KIF1A: variants seen among roughly 807,000 people sequenced by gnomAD.
KIF1A encodes kinesin-like protein KIF1A.
Under a neutral mutation model 227.3 loss-of-function variants are expected in KIF1A, and 46 were observed. The observed-to-expected ratio is 0.20, with a 90% CI of 0.16 to 0.26. KIF1A has a LOEUF of 0.26. Ranked by LOEUF, KIF1A falls within the 10% of genes least tolerant of loss-of-function variation. The probability of loss-of-function intolerance (pLI) is 1.00; values close to 1 mark genes in which losing one functional copy is unlikely to be tolerated. For missense variants in KIF1A, 1,683 were observed against 2,485.9 expected (o/e 0.68, Z 6.87); for synonymous variants, 1,022 against 1,012.8 (o/e 1.01, Z -0.17).
rs543574720 is a variant in KIF1A, at chr2:240,777,100, G to A, written c.883-1174C>T. 2.6e-4 allele frequency among the ~76,000 whole-genome samples: 40 copies of A among 152,312 alleles called. 1 individual carries two copies. In the East Asian group the frequency reaches 7.7e-3, roughly 29 times the overall value. On this transcript the variant is annotated intron_variant, in intron 10 of 48. Transcript: ENST00000498729. Reference sequence around the variant, plus strand: ...CCCTCTGTCACCAGGCTGGAGTGCAGTGGCACGATCGCGGCTCACTGCAAC... The same window carrying A: ...CCCTCTGTCACCAGGCTGGAGTGCAATGGCACGATCGCGGCTCACTGCAAC...
chr2:240,733,893 G>A (rs1187712150), intron 38 of KIF1A, among the ~76,000 whole-genome samples: 2 of 152,216 alleles, frequency 1.3e-5, no homozygotes, highest in Admixed American at 1.3e-4. Context: ...TTTTCCATTC[G>A]GAACGGACTC....
At chr2:240,755,304 A>G (rs11682746) in intron 27 of KIF1A, among the ~76,000 whole-genome samples, 90,460 of 152,172 alleles carry the variant, frequency 0.59, 27,453 homozygotes, top group African/African-American at 0.71. Context: ...AACCCAGCCC[A>G]AGAGAGGCAG....
intron 16 of KIF1A, 100 bp from the exon 17 acceptor site, chr2:240,769,308 T>A: frequency 9.6e-7 from 1 of 1,037,818 alleles, no homozygotes; most frequent in Non-Finnish European, 1.4e-6. Context: ...GTGGCCACCG[T>A]GGCCTGGGTG....
At chr2:240,717,445 G>A (rs1307755119) in intron 48 of KIF1A, 39 bp from the exon 49 acceptor site, 2 of 1,597,626 alleles carry the variant, frequency 1.3e-6, no homozygotes, top group Admixed American at 3.3e-5. Flanking sequence ...GTCAGGCCAG[G>A]AACACCTGCA....
At position 240,790,124 on chromosome 2, in the gene KIF1A, T is replaced by G. The variant is rs986978397; in HGVS notation, c.107-812A>C. 4.5e-4 allele frequency among the ~76,000 whole-genome samples: 69 copies of G among 152,242 alleles called. No homozygotes were observed. The highest frequency in any genetic ancestry group is 1.6e-3 in the African/African-American group (67 of 41,562). ...CTTGCCCCCAGCATTTCCCAGGCCCTGGACGGGCCTGGACCCTGCAGACTG... is the reference window on the plus strand; with the variant it reads ...CTTGCCCCCAGCATTTCCCAGGCCCGGGACGGGCCTGGACCCTGCAGACTG... On this transcript the variant is annotated intron_variant, in intron 2 of 48. Coordinates refer to ENST00000498729, the MANE Select transcript of KIF1A (RefSeq NM_001244008.2). The surrounding 1 kb of genome is among the most constrained non-coding windows in gnomAD (Gnocchi z 5.0).
At position 240,757,698 on chromosome 2, in the gene KIF1A, C is replaced by G. The variant is rs1394195171; in HGVS notation, c.2583-104G>C. On this transcript the variant is annotated intron_variant, in intron 26 of 48. Transcript: ENST00000498729. This position sits in a 1 kb window ranked among gnomAD's most constrained non-coding sequence, Gnocchi z 6.2. ...GGGGGCTTCTGTTTAAAACCAAAAC[C>G]AAACACACAGACCATCGAGAATGCT... 2 of 1,085,642 alleles carry G rather than the reference C, an allele frequency of 1.8e-6. No individual in the cohort carries two copies. Among genetic ancestry groups the G allele is most frequent in the Non-Finnish European group, 2.6e-6 (2 of 760,546 alleles). The allele number at this position is 1,085,642 out of a possible 1,614,324, so 67.3% of individuals were successfully genotyped here. A position where few individuals can be genotyped will look rare whatever the true frequency, so the allele number is the denominator to read the frequency against.
At chr2:240,729,211 G>A (rs1006633819) in intron 38 of KIF1A, among the ~76,000 whole-genome samples, 4 of 152,146 alleles carry the variant, frequency 2.6e-5, no homozygotes, top group African/African-American at 9.7e-5. Context: ...TGTCTCTCCT[G>A]CTGGGCCCAA....
In KIF1A at chr2:240,784,967, G is replaced by A. The variant is rs200114776; in HGVS notation, c.720+22C>T. 4.5e-5 allele frequency: 72 copies of A among 1,594,300 alleles called. No individual in the cohort carries two copies. The Middle Eastern group carries it at 5.0e-4, about 11-fold the overall frequency. ...ACCAGCCACTGCCCTTGGTGGCACC[G>A]CCTGTGAGGCCACTCACTCACCTTC... On this transcript the variant is annotated intron_variant, in intron 7 of 48. Transcript: ENST00000498729.
Position 240,783,039 on chromosome 2 carries a change from C to G in KIF1A, c.864+5G>C. ...TGGCTATGGAAGCCGGGCCGGGCCACTCACCATTTCAGCCAGGGCGGAGAT... is the reference window on the plus strand; with the variant it reads ...TGGCTATGGAAGCCGGGCCGGGCCAGTCACCATTTCAGCCAGGGCGGAGAT... On this transcript the variant is annotated splice_donor_5th_base_variant and intron_variant, in intron 9 of 48. Coordinates refer to ENST00000498729, the MANE Select transcript of KIF1A (RefSeq NM_001244008.2). 2.5e-6 allele frequency: 4 copies of G among 1,612,066 alleles called. No individual in the cohort carries two copies. Among genetic ancestry groups the G allele is most frequent in the Non-Finnish European group, 3.4e-6 (4 of 1,178,378 alleles).
chr2:240,774,188 C>G lies in KIF1A; in HGVS notation c.1032G>C (p.Thr344=), dbSNP rs760595439. Residue 344 remains threonine, a synonymous_variant, in exon 12 of 49, where the codon ACG becomes ACC. Coordinates refer to ENST00000498729, the MANE Select transcript of KIF1A (RefSeq NM_001244008.2). The part of the protein sequence containing the change: ...ADINYDETLS[T]LRYADRAKQI... The stretch of plus-strand genomic sequence containing the variant: ...TGTCTCCCTGGAGAACTCACCTCAG[C>G]GTGCTAAGGGTCTCATCGTAGTTGA... 2 of 1,591,732 alleles carry G rather than the reference C, an allele frequency of 1.3e-6. No individual in the cohort carries two copies. The highest frequency in any genetic ancestry group is 2.7e-5 in the African/African-American group (2 of 74,322).
chr2:240,786,549 G>A, intron 5 of KIF1A, 36 bp from the exon 6 acceptor site: 1 of 1,596,462 alleles, frequency 6.3e-7, no homozygotes, highest in Non-Finnish European at 8.5e-7. Context: ...GGGCCCCTGA[G>A]GCGAGGGAGT....
chr2:240,763,121 A>C (rs774021796), intron 21 of KIF1A, 30 bp from the exon 22 acceptor site: 8 of 1,600,980 alleles, frequency 5.0e-6, no homozygotes, highest in Non-Finnish European at 6.8e-6. Flanking sequence ...TGAGCACGGG[A>C]GGGCAGGAGG....
rs35663732 is a variant in KIF1A at position 240,767,340 on chromosome 2, T to C, written c.1503A>G (p.Pro501=). The C allele has an allele frequency of 0.019, 30,203 of 1,612,896 alleles. 347 individuals carry two copies. The highest frequency in any genetic ancestry group is 0.03 in the South Asian group (2,764 of 90,978). The change falls in exon 18 of 49, where the codon CCA becomes CCG. Residue 501 remains proline (P), a synonymous_variant. Transcript: ENST00000498729. ...TLGVFSPKKT[P]HLVNLNEDPL... ...GGTCCTCGTTCAGGTTGACGAGGTG[T>C]GGTGTCTGCAGGGAGACAGGAGGAT...
intron 38 of KIF1A, among the ~76,000 whole-genome samples, chr2:240,729,591 C>T (rs2046386296): frequency 6.6e-6 from 1 of 152,242 alleles, no homozygotes; most frequent in African/African-American, 2.4e-5. Context: ...AGCAAGTGGA[C>T]TCTGCTGGAG....
chr2:240,782,514 C>T (rs908265841), intron 10 of KIF1A, 76 bp downstream of exon 10: 10 of 1,472,046 alleles, frequency 6.8e-6, no homozygotes, highest in Non-Finnish European at 8.4e-6. Context: ...CCGCCCCTCA[C>T]CACAGGGCGC....
intron 14 of KIF1A, among the ~76,000 whole-genome samples, chr2:240,771,454 T>C (rs1321052786): frequency 2.0e-5 from 3 of 152,022 alleles, no homozygotes; most frequent in Non-Finnish European, 4.4e-5. Flanking sequence ...CTAGGCACTC[T>C]GGAGCTCCCC....
intron 7 of KIF1A, among the ~76,000 whole-genome samples, 167 bp downstream of exon 7, chr2:240,784,822 G>T (rs866248641): frequency 0.011 from 1,605 of 152,236 alleles, 34 homozygotes; most frequent in African/African-American, 0.037. Flanking sequence ...GGGGCGGGGG[G>T]GGGGACGTCC....
In KIF1A at chr2:240,780,786, A is replaced by ACG. The variant is rs1553637113; in HGVS notation, c.882+1803_882+1804insCG. Among the ~76,000 whole-genome samples, 832 of 129,372 alleles carry ACG rather than the reference A, an allele frequency of 6.4e-3. 91 individuals carry two copies. The highest frequency in any genetic ancestry group is 0.027 in the African/African-American group (798 of 29,386). 84.9% of individuals were successfully genotyped at this position (129,372 alleles called of 152,430 possible). ...CACACAGCTCCACACACACACACAC[A>ACG]CACACACAGCTCCACACACACACAC... On this transcript the variant is annotated intron_variant, in intron 10 of 48. Transcript: ENST00000498729.
At chr2:240,803,266 C>T (rs976622753) in intron 1 of KIF1A, among the ~76,000 whole-genome samples, 15 of 152,290 alleles carry the variant, frequency 9.8e-5, no homozygotes, top group African/African-American at 2.6e-4. Flanking sequence ...GCCGGACTGA[C>T]GAGGAAACAC....
Sources: allele counts gnomAD v4.1 joint callset (sites outside exome capture counted in the v4.1 genomes callset), GRCh38; gene constraint gnomAD v4.1.1; non-coding constraint Gnocchi (gnomAD v3.1); transcripts MANE v1.5; gene names NCBI Gene and HGNC (gene_info 2026-07-23, HGNC 2026-07-21).